Variants in CCDC50 observed in about 807,000 individuals in gnomAD.
CCDC50 encodes the protein coiled-coil domain-containing protein 50.
A neutral mutation model predicts 70.2 loss-of-function variants in CCDC50; 54 were observed. The observed-to-expected ratio is 0.77, with a 90% CI of 0.62 to 0.96. The LOEUF is 0.96. Ranked by LOEUF, CCDC50 falls within the 50% of genes least tolerant of loss-of-function variation. The pLI, the probability that CCDC50 is intolerant of heterozygous loss-of-function variation, is 0.00. For missense variants in CCDC50, 558 were observed against 578.7 expected, an observed-to-expected ratio of 0.96 and a Z score of 0.37; for synonymous variants, 216 against 198.8, an observed-to-expected ratio of 1.09 and a Z score of -0.73.
chr3:191,378,328 G>C (rs1713188538), intron 6 of CCDC50, among the ~76,000 whole-genome samples: 1 of 152,052 alleles, frequency 6.6e-6, no homozygotes, highest in Non-Finnish European at 1.5e-5. Context: ...TATTGTCTTT[G>C]GTAGAATTTA....
chr3:191,329,806 G>A, intron 1 of CCDC50, 83 bp downstream of exon 1: 1 of 1,443,936 alleles, frequency 6.9e-7, no homozygotes, highest in Non-Finnish European at 9.5e-7. Flanking sequence ...TTGCCATTTC[G>A]GCTCCCGCGG....
chr3:191,384,913 C>A (rs939034223), intron 10 of CCDC50, among the ~76,000 whole-genome samples: 2 of 152,202 alleles, frequency 1.3e-5, no homozygotes, highest in South Asian at 2.1e-4. Context: ...TGAGAACATA[C>A]AATATTTAGT....
At chr3:191,339,278 T>C (rs1331161296) in intron 1 of CCDC50, among the ~76,000 whole-genome samples, 2 of 152,192 alleles carry the variant, frequency 1.3e-5, no homozygotes, top group African/African-American at 2.4e-5. Flanking sequence ...CAGGTTCATA[T>C]GGTGTATTAG....
intron 4 of CCDC50, among the ~76,000 whole-genome samples, chr3:191,369,271 A>G (rs1712813989): frequency 1.3e-5 from 2 of 152,084 alleles, no homozygotes; most frequent in Admixed American, 1.3e-4. Context: ...TTTACAATTT[A>G]ATTTTATTGT....
At chr3:191,336,670 GCTAAATCT>G (rs1185570054) in intron 1 of CCDC50, among the ~76,000 whole-genome samples, 1 of 152,080 alleles carries the variant, frequency 6.6e-6, no homozygotes, top group African/African-American at 2.4e-5. Context: ...CTTGATATTA[GCTAAATCT>G]CTTAGAGATG....
chr3:191,365,784 G>A (rs931720810), intron 4 of CCDC50, among the ~76,000 whole-genome samples: 4 of 152,018 alleles, frequency 2.6e-5, no homozygotes, highest in Admixed American at 6.6e-5. Context: ...GAGGTGAAAC[G>A]CTGAGAAGTA....
At chr3:191,374,905 G>C (rs572111568) in intron 5 of CCDC50, among the ~76,000 whole-genome samples, 157 bp from the exon 6 acceptor site, 1 of 152,244 alleles carries the variant, frequency 6.6e-6, no homozygotes, top group Non-Finnish European at 1.5e-5. Flanking sequence ...TTTCAGTAAT[G>C]CTCATCCCCT....
At position 191,334,498 on chromosome 3, in the gene CCDC50, T is replaced by C. The variant is rs181807875; in HGVS notation, c.49+4775T>C. On this transcript the variant is annotated intron_variant, in intron 1 of 11. Coordinates refer to ENST00000392455, the MANE Select transcript of CCDC50 (RefSeq NM_178335.3). ...TAGAAAGCACTAAAAACCACTGTTCTAGGCCAACTTCCTTATTTTCCAGAT... is the reference window on the plus strand; with the variant it reads ...TAGAAAGCACTAAAAACCACTGTTCCAGGCCAACTTCCTTATTTTCCAGAT... 6.0e-3 allele frequency among the ~76,000 whole-genome samples: 906 copies of C among 152,262 alleles called. 10 individuals are homozygous for C. Among genetic ancestry groups the C allele is most frequent in the African/African-American group, 0.02 (844 of 41,560 alleles).
intron 5 of CCDC50, among the ~76,000 whole-genome samples, chr3:191,370,646 G>A (rs1175097158): frequency 6.6e-6 from 1 of 151,688 alleles, no homozygotes; most frequent in Admixed American, 6.6e-5. Context: ...GTGCCACCAC[G>A]CCTGTCTAAT....
chr3:191,393,636 G>A lies in CCDC50; in HGVS notation c.*1876G>A, dbSNP rs1483880370. 6.6e-6 allele frequency: 1 copy of A among 152,132 alleles called. No individual in the cohort carries two copies. Among genetic ancestry groups the A allele is most frequent in the Non-Finnish European group, 1.5e-5 (1 of 68,022 alleles). 9.4% of individuals were successfully genotyped at this position (152,132 alleles called of 1,614,324 possible). On this transcript the variant is annotated 3_prime_UTR_variant, in exon 12 of 12. Coordinates refer to ENST00000392455, the MANE Select transcript of CCDC50 (RefSeq NM_178335.3). The stretch of plus-strand genomic sequence containing the variant: ...TATGTAGTCATTTTGGAGAAATGGA[G>A]GAAAAGGAAAATAACAGGACTTTTT...
intron 6 of CCDC50, among the ~76,000 whole-genome samples, chr3:191,377,333 A>G (rs749052374): frequency 4.9e-4 from 74 of 152,314 alleles, no homozygotes; most frequent in Non-Finnish European, 9.3e-4. Flanking sequence ...ACTTACATTA[A>G]TAATGAAGAA....
intron 1 of CCDC50, among the ~76,000 whole-genome samples, chr3:191,331,743 A>T (rs1480227156): frequency 6.6e-6 from 1 of 152,190 alleles, no homozygotes; most frequent in Non-Finnish European, 1.5e-5. Context: ...AATAAAGTGT[A>T]TCCTTCCCTA....
chr3:191,377,876 C>G (rs911313424), intron 6 of CCDC50, among the ~76,000 whole-genome samples: 7 of 152,024 alleles, frequency 4.6e-5, no homozygotes, highest in African/African-American at 1.7e-4. Context: ...ATACCACTCA[C>G]CTGATTTTTT....
intron 5 of CCDC50, among the ~76,000 whole-genome samples, chr3:191,372,809 G>A (rs952623157): frequency 2.6e-5 from 4 of 151,868 alleles, no homozygotes; most frequent in Non-Finnish European, 4.4e-5. Context: ...TTTTTAAGTT[G>A]TGGTCTTTGG....
At chr3:191,381,466 C>T (rs1713316697) in intron 9 of CCDC50, among the ~76,000 whole-genome samples, 1 of 152,072 alleles carries the variant, frequency 6.6e-6, no homozygotes, top group Non-Finnish European at 1.5e-5. Flanking sequence ...TTATCTTTCC[C>T]CTCGTTGATC....
At chr3:191,349,455 A>G (rs9821594) in intron 1 of CCDC50, among the ~76,000 whole-genome samples, 26,527 of 141,132 alleles carry the variant, frequency 0.19, 6,084 homozygotes, top group African/African-American at 0.37. Context: ...AAAGAGGGTT[A>G]GAGAGATGAG....
At chr3:191,332,789 T>C (rs1238255900) in intron 1 of CCDC50, among the ~76,000 whole-genome samples, 1 of 152,220 alleles carries the variant, frequency 6.6e-6, no homozygotes, top group Non-Finnish European at 1.5e-5. Flanking sequence ...ACTCCCTACT[T>C]CCTTTTGCTC....
intron 4 of CCDC50, among the ~76,000 whole-genome samples, chr3:191,365,931 T>C (rs1712672582): frequency 6.6e-6 from 1 of 152,192 alleles, no homozygotes; most frequent in Non-Finnish European, 1.5e-5. Context: ...TTGAGCATCA[T>C]GTCTATGCTT....
At chr3:191,365,193 T>C (rs1365812699) in intron 4 of CCDC50, among the ~76,000 whole-genome samples, 2 of 151,818 alleles carry the variant, frequency 1.3e-5, no homozygotes, top group East Asian at 1.9e-4. Context: ...TGGCCAAACA[T>C]GTCATGAAAA....
Sources: allele counts gnomAD v4.1 joint callset (sites outside exome capture counted in the v4.1 genomes callset), GRCh38; gene constraint gnomAD v4.1.1; transcripts MANE v1.5; gene names NCBI Gene and HGNC (gene_info 2026-07-23, HGNC 2026-07-21).